C10orf90: variants seen among roughly 807,000 people sequenced by gnomAD.
C10orf90 encodes the protein chromosome 10 open reading frame 90.
A neutral mutation model predicts 62.5 loss-of-function variants in C10orf90; 56 were observed. That is an observed-to-expected ratio of 0.90 (90% CI 0.72 to 1.12). C10orf90 has a LOEUF of 1.12. Among genes scored for constraint, C10orf90 ranks in the 50% most tolerant of loss-of-function variants. The pLI, the probability that C10orf90 is intolerant of heterozygous loss-of-function variation, is 0.00. For synonymous variants in C10orf90, 386 were observed against 340.4 expected (o/e 1.13, Z -1.47); for missense variants, 970 against 880.4 (o/e 1.10, Z -1.29).
chr10:126,446,386 G>T (rs562983574), intron 7 of C10orf90, among the ~76,000 whole-genome samples: 3 of 152,066 alleles, frequency 2.0e-5, no homozygotes, highest in South Asian at 4.2e-4. Flanking sequence ...AGCAGCAAAA[G>T]AAATTAAGAT....
At chr10:126,570,390 T>C (rs1349037633) in intron 2 of C10orf90, among the ~76,000 whole-genome samples, 1 of 152,248 alleles carries the variant, frequency 6.6e-6, no homozygotes, top group Non-Finnish European at 1.5e-5. Context: ...TGAAACGCAT[T>C]TACATGAACC....
chr10:126,477,128 G>C (rs1179530351), intron 4 of C10orf90, among the ~76,000 whole-genome samples: 1 of 90,748 alleles, frequency 1.1e-5, no homozygotes, highest in Non-Finnish European at 2.1e-5. Flanking sequence ...TGGATTTTTG[G>C]AGCAATGTGG....
chr10:126,616,057 G>A (rs770075962), intron 2 of C10orf90, among the ~76,000 whole-genome samples: 5 of 152,286 alleles, frequency 3.3e-5, no homozygotes, highest in African/African-American at 7.2e-5. Flanking sequence ...GCACAAATGC[G>A]CATCATTTCT....
At chr10:126,461,130 G>T (rs1440568603) in intron 6 of C10orf90, among the ~76,000 whole-genome samples, 1 of 152,170 alleles carries the variant, frequency 6.6e-6, no homozygotes, top group Non-Finnish European at 1.5e-5. Context: ...CCTGTGGAAT[G>T]CTGGAGCATC....
At position 126,504,081 on chromosome 10, in the gene C10orf90, C is replaced by CAAA; in HGVS notation, c.1409_1410insTTT (p.Glu469_Leu470insPhe). ...TGACTTGGTTAGCTCCCACATTTGCCAATTCTGTGTTTTCCAATGGAAAAG... is the reference window on the plus strand; with the variant it reads ...TGACTTGGTTAGCTCCCACATTTGCCAAAAATTCTGTGTTTTCCAATGGAAAAG... On this transcript the variant is annotated inframe_insertion, in exon 4 of 10. Coordinates refer to ENST00000488181, the MANE Select transcript of C10orf90 (RefSeq NM_001350921.2). The surrounding 1 kb of genome is among the most constrained non-coding windows in gnomAD (Gnocchi z 4.1). 3 of 1,614,080 alleles carry CAAA rather than the reference C, an allele frequency of 1.9e-6. No individual in the cohort carries two copies. The highest frequency in any genetic ancestry group is 2.5e-6 in the Non-Finnish European group (3 of 1,180,034).
At chr10:126,426,497 A>G (rs1454110946) in intron 8 of C10orf90, among the ~76,000 whole-genome samples, 1 of 152,168 alleles carries the variant, frequency 6.6e-6, no homozygotes, top group South Asian at 2.1e-4. Context: ...TTACCACTCA[A>G]TGTTTGCCTT....
intron 6 of C10orf90, among the ~76,000 whole-genome samples, chr10:126,459,883 T>A (rs1425447219): frequency 6.6e-6 from 1 of 152,216 alleles, no homozygotes; most frequent in Non-Finnish European, 1.5e-5. Flanking sequence ...TAACTGCCAT[T>A]CTGCTCCATC....
intron 4 of C10orf90, chr10:126,502,682 T>C (rs919022832): frequency 5.2e-6 from 2 of 386,976 alleles, no homozygotes; most frequent in Non-Finnish European, 1.0e-5. Flanking sequence ...GTGCTTTAAC[T>C]GGGGTAACAT....
At chr10:126,565,016 A>G (rs1188332777) in intron 2 of C10orf90, among the ~76,000 whole-genome samples, 1 of 14,676 alleles carries the variant, frequency 6.8e-5, no homozygotes, top group African/African-American at 2.1e-4. Context: ...TATATATAAT[A>G]TATATTATAT....
At chr10:126,534,454 C>G (rs918542154) in intron 2 of C10orf90, among the ~76,000 whole-genome samples, 1 of 152,200 alleles carries the variant, frequency 6.6e-6, no homozygotes, top group Non-Finnish European at 1.5e-5. Flanking sequence ...CTCCAATTCT[C>G]TTAGTCCTTA....
intron 4 of C10orf90, among the ~76,000 whole-genome samples, chr10:126,483,031 T>C (rs1861243805): frequency 6.6e-6 from 1 of 152,236 alleles, no homozygotes; most frequent in Non-Finnish European, 1.5e-5. Context: ...AATTGCCTTC[T>C]AGAATATATT....
chr10:126,577,575 T>G (rs1201926203), intron 2 of C10orf90, among the ~76,000 whole-genome samples: 1 of 152,050 alleles, frequency 6.6e-6, no homozygotes, highest in African/African-American at 2.4e-5. Context: ...AAGACCTGAC[T>G]TTGTAAAGAT....
chr10:126,562,509 T>G (rs1338586631), intron 2 of C10orf90, among the ~76,000 whole-genome samples: 2 of 152,178 alleles, frequency 1.3e-5, no homozygotes, highest in Non-Finnish European at 2.9e-5. Context: ...CTCCATTAAT[T>G]GCTACCTGTG....
Position 126,464,823 on chromosome 10 carries a change from T to A in C10orf90, c.1698A>T (p.Thr566=). Residue 566 remains threonine (T), a synonymous_variant, in exon 5 of 10, where the codon ACA becomes ACT. Coordinates refer to ENST00000488181, the MANE Select transcript of C10orf90 (RefSeq NM_001350921.2). ...DCLSRDLSEP[T]ERRHQSFLKP... Reference sequence around the variant, plus strand: ...TCAGGAAGCTTTGATGTCGTCTCTCTGTGGGCTCAGAAAGGTCTCTAGACA... The same window carrying A: ...TCAGGAAGCTTTGATGTCGTCTCTCAGTGGGCTCAGAAAGGTCTCTAGACA... The A allele has an allele frequency of 6.2e-7, 1 of 1,614,176 alleles. No individual in the cohort carries two copies. The highest frequency in any genetic ancestry group is 8.5e-7 in the Non-Finnish European group (1 of 1,180,050).
intron 4 of C10orf90, among the ~76,000 whole-genome samples, chr10:126,467,287 G>A (rs1860344839): frequency 6.6e-6 from 1 of 152,186 alleles, no homozygotes; most frequent in Admixed American, 6.5e-5. Context: ...TGCAGCCAAA[G>A]AAGGACTTTT....
chr10:126,590,550 A>G (rs34250675), intron 2 of C10orf90, among the ~76,000 whole-genome samples: 1 of 152,188 alleles, frequency 6.6e-6, no homozygotes, highest in African/African-American at 2.4e-5. Flanking sequence ...AAACCACACA[A>G]CTGCATGGAA....
At chr10:126,642,335 A>T (rs2576006) in intron 2 of C10orf90, among the ~76,000 whole-genome samples, 30 of 152,082 alleles carry the variant, frequency 2.0e-4, no homozygotes, top group South Asian at 4.1e-4. Flanking sequence ...GATCGAGACC[A>T]TCCTGGCTAA....
rs115614431 is a variant in C10orf90 at position 126,652,648 on chromosome 10, C to T, written c.241-6011G>A. Among the ~76,000 whole-genome samples, 1,198 of 152,208 alleles carry T rather than the reference C, an allele frequency of 7.9e-3. 15 individuals are homozygous for T. The highest frequency in any genetic ancestry group is 0.027 in the African/African-American group (1,130 of 41,532). ...CTCCCTGTGTGTTTGCAGGTATAAG[C>T]GAGAGCAGCAAGGATGAAGCACTTG... On this transcript the variant is annotated intron_variant, in intron 1 of 9. Transcript: ENST00000488181.
At chr10:126,578,503 G>C (rs555007824) in intron 2 of C10orf90, among the ~76,000 whole-genome samples, 2 of 152,276 alleles carry the variant, frequency 1.3e-5, no homozygotes, top group South Asian at 4.1e-4. Context: ...CAAGGATATG[G>C]AGCAACTAAA....
Sources: gnomAD v4.1 joint callset for allele counts (sites outside exome capture counted in the v4.1 genomes callset) on GRCh38, gnomAD v4.1.1 for gene constraint, Gnocchi (gnomAD v3.1) non-coding constraint, MANE v1.5 for transcripts, NCBI Gene and HGNC (gene_info 2026-07-23, HGNC 2026-07-21) for gene names.